The following MASP1 variants were observed in gnomAD, a reference collection of about 807,000 sequenced individuals.
The protein encoded by MASP1 is MBL associated serine protease 1.
A neutral mutation model predicts 77.1 loss-of-function variants in MASP1; 59 were observed. The ratio of observed to expected loss-of-function variants is 0.77; its 90% CI spans 0.62 to 0.95. The LOEUF (loss-of-function observed/expected upper bound fraction) is 0.95. MASP1 is among the 40% of genes least tolerant of loss of function. The pLI is 0.00. For missense variants in MASP1, 885 were observed against 912.9 expected, an observed-to-expected ratio of 0.97 and a Z score of 0.39; for synonymous variants, 362 against 354.5, an observed-to-expected ratio of 1.02 and a Z score of -0.24.
intron 9 of MASP1, 134 bp downstream of exon 9, chr3:187,243,350 G>A (rs1713811994): frequency 1.1e-6 from 1 of 879,012 alleles, no homozygotes; most frequent in Non-Finnish European, 1.9e-6. Context: ...ATGTGTGAGT[G>A]ACACGTTTTG....
intron 2 of MASP1, among the ~76,000 whole-genome samples, chr3:187,265,936 C>A (rs925753518): frequency 6.6e-6 from 1 of 152,080 alleles, no homozygotes; most frequent in Non-Finnish European, 1.5e-5. Flanking sequence ...TCACTGGTCC[C>A]GGTTAATATT....
At position 187,241,553 on chromosome 3, in the gene MASP1, T is replaced by C. The variant is rs1713640829; in HGVS notation, c.1231A>G (p.Ile411Val). 1 of 1,609,820 alleles carries C rather than the reference T, an allele frequency of 6.2e-7. No homozygotes were observed. The change falls in exon 10 of 11, where the codon ATA becomes GTA. Residue 411 changes from isoleucine to valine, a missense_variant and splice_region_variant. Coordinates refer to ENST00000296280, the MANE Select transcript of MASP1 (RefSeq NM_139125.4). The part of the protein sequence containing the change: ...YYKMLNNNTG[I>V]YTCSAQGVWM... ...ACTCCTTGGGCAGAACAGGTATATA[T>C]ACCTGGATTAGTGAAAGAGGTTAGG...
intron 11 of MASP1, among the ~76,000 whole-genome samples, chr3:187,227,159 T>G (rs1278137914): frequency 6.6e-6 from 1 of 152,238 alleles, no homozygotes; most frequent in African/African-American, 2.4e-5. Context: ...GCACAGATAA[T>G]GTTTTAAACA....
chr3:187,225,276 T>G (rs771412139), intron 13 of MASP1: 18 of 1,603,966 alleles, frequency 1.1e-5, no homozygotes, highest in Non-Finnish European at 1.7e-6. Flanking sequence ...GACGGACTCC[T>G]TGTGGAGGCA....
In MASP1 at chr3:187,291,573, T is replaced by A; in HGVS notation, c.5+55A>T. ...AGTGACAAGGTCAGACCTTCCCTGC[T>A]ATTTGACACTGGTCCCCAAAAGGGA... On this transcript the variant is annotated intron_variant, in intron 1 of 10. Transcript: ENST00000296280. 1.2e-6 allele frequency: 2 copies of A among 1,612,152 alleles called. 1 individual carries two copies.
chr3:187,270,371 G>A (rs138101613), intron 2 of MASP1, among the ~76,000 whole-genome samples: 261 of 152,144 alleles, frequency 1.7e-3, no homozygotes, highest in African/African-American at 6.1e-3. Context: ...AGTTCCAATT[G>A]GGATCTTCAT....
At position 187,262,729 on chromosome 3, in the gene MASP1, T is replaced by A; in HGVS notation, c.238-9A>T. ...TGGTCCTCAGTTTCTACCTTTGAGGTCAAAGAGAAAGGGAACAAGATGAGC... is the reference window on the plus strand; with the variant it reads ...TGGTCCTCAGTTTCTACCTTTGAGGACAAAGAGAAAGGGAACAAGATGAGC... On this transcript the variant is annotated splice_polypyrimidine_tract_variant and intron_variant, in intron 2 of 10. Transcript: ENST00000296280. 6.2e-7 allele frequency: 1 copy of A among 1,613,664 alleles called. No individual in the cohort carries two copies. Among genetic ancestry groups the A allele is most frequent in the East Asian group, 2.2e-5 (1 of 44,864 alleles).
chr3:187,243,523 A>G lies in MASP1; in HGVS notation c.1189T>C (p.Cys397Arg). Residue 397 changes from cysteine (C) to arginine (R), a missense_variant, in exon 9 of 11, where the codon TGT becomes CGT. By Grantham distance (180) the Cys-to-Arg change is radical (BLOSUM62 -3). Coordinates refer to ENST00000296280, the MANE Select transcript of MASP1 (RefSeq NM_139125.4). ...AGCATCTTGTAATAGGGCTCCTGAC[A>G]GGAGTATTTGATCTCAGACTTGTAT... ...TTYKSEIKYSCQEPYYKMLNN... is the reference protein window; with the variant it reads ...TTYKSEIKYSRQEPYYKMLNN... 1.2e-6 allele frequency: 2 copies of G among 1,614,098 alleles called. No individual in the cohort carries two copies. The highest frequency in any genetic ancestry group is 1.7e-6 in the Non-Finnish European group (2 of 1,179,954).
rs1553852777 is a variant in MASP1 at position 187,236,495 on chromosome 3, C to A, written c.1376G>T (p.Gly459Val). The stretch of plus-strand genomic sequence containing the variant: ...TATCAGGGCCTGCCACGGGAAGAGG[C>A]CAGGCTCAGCATTTCGGCCCCCAAT... ...RIIGGRNAEP[G>V]LFPWQALIVV... is the part of the protein sequence containing the mutation. The change falls in exon 11 of 11, where the codon GGC (glycine) becomes GTC (valine). Residue 459 changes from glycine to valine, a missense_variant. Coordinates refer to ENST00000296280, the MANE Select transcript of MASP1 (RefSeq NM_139125.4). The A allele has an allele frequency of 6.2e-7, 1 of 1,613,934 alleles. No homozygotes were observed. Among genetic ancestry groups the A allele is most frequent in the Admixed American group, 1.7e-5 (1 of 59,948 alleles).
At chr3:187,227,441 T>C (rs1246451510) in intron 11 of MASP1, among the ~76,000 whole-genome samples, 1 of 152,062 alleles carries the variant, frequency 6.6e-6, no homozygotes. Flanking sequence ...TCACCTCTTA[T>C]GTGGAGCAGA....
chr3:187,217,969 G>A (rs1711852947), exon 16 of MASP1: 1 of 152,208 alleles, frequency 6.6e-6, no homozygotes, highest in Non-Finnish European at 1.5e-5. Flanking sequence ...AGAGTCCACT[G>A]GACATGTGTT....
chr3:187,217,709 T>C (rs963530557), exon 16 of MASP1: 2 of 152,204 alleles, frequency 1.3e-5, no homozygotes, highest in African/African-American at 4.8e-5. Context: ...TTCTTGGACC[T>C]TAGCAGCAGT....
intron 13 of MASP1, chr3:187,225,241 G>T: frequency 6.8e-7 from 1 of 1,473,892 alleles, no homozygotes; most frequent in Non-Finnish European, 9.5e-7. Context: ...TGACTTAATT[G>T]GCACCAGAGC....
At chr3:187,252,924 T>C (rs1714742580) in intron 6 of MASP1, among the ~76,000 whole-genome samples, 1 of 152,242 alleles carries the variant, frequency 6.6e-6, no homozygotes, top group Admixed American at 6.5e-5. Context: ...CTCTATGCGA[T>C]ACTGAAGTAC....
intron 2 of MASP1, among the ~76,000 whole-genome samples, chr3:187,271,498 A>G (rs1716514160): frequency 6.6e-6 from 1 of 152,232 alleles, no homozygotes; most frequent in Non-Finnish European, 1.5e-5. Flanking sequence ...AGCAATATGG[A>G]AATATTCTTA....
Position 187,250,256 on chromosome 3 carries a change from C to T in MASP1, c.1085G>A (p.Cys362Tyr). Residue 362 changes from cysteine to tyrosine, a missense_variant, in exon 8 of 11, where the codon TGT (cysteine) becomes TAT (tyrosine). Coordinates refer to ENST00000296280, the MANE Select transcript of MASP1 (RefSeq NM_139125.4). ...AACCCATTAGGCTTTCTTACTTTTA[C>T]AGGTGGGAATCTTGTTACTCCACGT... ...DGTWSNKIPT[C>Y]KIVDCRAPGE... 1 of 1,613,358 alleles carries T rather than the reference C, an allele frequency of 6.2e-7. No individual in the cohort carries two copies. The highest frequency in any genetic ancestry group is 8.5e-7 in the Non-Finnish European group (1 of 1,179,310).
intron 8 of MASP1, among the ~76,000 whole-genome samples, chr3:187,245,416 T>C (rs958001481): frequency 6.6e-6 from 1 of 152,142 alleles, no homozygotes. Context: ...TGGCTGATGC[T>C]GGCGGATAGA....
intron 5 of MASP1, among the ~76,000 whole-genome samples, chr3:187,255,482 C>T (rs1454951281): frequency 6.6e-6 from 1 of 152,158 alleles, no homozygotes; most frequent in South Asian, 2.1e-4. Context: ...AACAAAGAAC[C>T]CCATTGTGCT....
chr3:187,265,263 T>C (rs1358481012), intron 2 of MASP1, among the ~76,000 whole-genome samples: 2 of 152,194 alleles, frequency 1.3e-5, no homozygotes, highest in African/African-American at 4.8e-5. Context: ...TTTCTGGAAC[T>C]TGGTATCCCC....
Sources: gnomAD v4.1 joint callset for allele counts (sites outside exome capture counted in the v4.1 genomes callset) on GRCh38, gnomAD v4.1.1 for gene constraint, MANE v1.5 for transcripts, NCBI Gene and HGNC (gene_info 2026-07-23, HGNC 2026-07-21) for gene names.